The following CATSPERE variants were observed in gnomAD, a reference collection of about 807,000 sequenced individuals.
The protein encoded by CATSPERE is cation channel sperm-associated auxiliary subunit epsilon.
A neutral mutation model predicts 114.1 loss-of-function variants in CATSPERE; 93 were observed. The observed-to-expected ratio is 0.81, with a 90% CI of 0.69 to 0.97. The LOEUF is 0.97. Ranked by LOEUF, CATSPERE falls within the 50% of genes least tolerant of loss-of-function variation. The pLI, the probability that CATSPERE is intolerant of heterozygous loss-of-function variation, is 0.00. For missense variants in CATSPERE, 1,058 were observed against 1,131.6 expected, an observed-to-expected ratio of 0.93 and a Z score of 0.93; for synonymous variants, 341 against 384.1, an observed-to-expected ratio of 0.89 and a Z score of 1.31.
chr1:244,476,174 T>A (rs1450399109), intron 2 of CATSPERE, among the ~76,000 whole-genome samples: 6 of 152,122 alleles, frequency 3.9e-5, no homozygotes, highest in Non-Finnish European at 5.9e-5. Context: ...GTACAGTGGC[T>A]TATGCCTGTA....
intron 20 of CATSPERE, among the ~76,000 whole-genome samples, chr1:244,623,431 C>G (rs577686898): frequency 2.0e-5 from 3 of 152,282 alleles, no homozygotes; most frequent in African/African-American, 7.2e-5. Flanking sequence ...GTGGGGATAA[C>G]ATGAAAATAC....
upstream of CATSPERE, among the ~76,000 whole-genome samples, chr1:244,456,992 G>A (rs1666220747): frequency 1.3e-5 from 2 of 152,206 alleles, no homozygotes; most frequent in Non-Finnish European, 2.9e-5. Flanking sequence ...TAAAGGGAAT[G>A]TAATTTTGTC....
chr1:244,571,564 G>C (rs545206272), intron 10 of CATSPERE, among the ~76,000 whole-genome samples: 1 of 152,298 alleles, frequency 6.6e-6, no homozygotes, highest in African/African-American at 2.4e-5. Flanking sequence ...AACCTGCAGA[G>C]GTAGGCTATG....
chr1:244,634,983 T>C (rs1317890489), intron 20 of CATSPERE, among the ~76,000 whole-genome samples: 1 of 152,210 alleles, frequency 6.6e-6, no homozygotes, highest in Non-Finnish European at 1.5e-5. Context: ...TAGCTGTGAC[T>C]ACAGGTGCCC....
At chr1:244,546,686 GAAC>G (rs1659809119) in intron 8 of CATSPERE, among the ~76,000 whole-genome samples, 1 of 152,036 alleles carries the variant, frequency 6.6e-6, no homozygotes, top group Non-Finnish European at 1.5e-5. Flanking sequence ...AAAAATAAGT[GAAC>G]AAAGTGAAAA....
chr1:244,580,489 C>T (rs1666004908), intron 11 of CATSPERE, among the ~76,000 whole-genome samples: 1 of 151,918 alleles, frequency 6.6e-6, no homozygotes, highest in Non-Finnish European at 1.5e-5. Context: ...CATAGCTAAT[C>T]ATTTGTTTTT....
At chr1:244,479,087 T>A (rs1669847243) in intron 4 of CATSPERE, among the ~76,000 whole-genome samples, 1 of 151,524 alleles carries the variant, frequency 6.6e-6, no homozygotes, top group Non-Finnish European at 1.5e-5. Flanking sequence ...CCCTTTCCTT[T>A]TGTTTTTTGT....
At chr1:244,490,304 C>A (rs1337249607) in intron 5 of CATSPERE, 143 bp from the exon 6 acceptor site, 4 of 529,474 alleles carry the variant, frequency 7.6e-6, no homozygotes, top group Non-Finnish European at 1.3e-5. Flanking sequence ...TTTGTTTTTA[C>A]ATTTAGCCTT....
chr1:244,593,334 T>C, intron 15 of CATSPERE, 61 bp from the exon 16 acceptor site: 1 of 1,543,056 alleles, frequency 6.5e-7, no homozygotes, highest in South Asian at 1.1e-5. Flanking sequence ...AACAAAGTCA[T>C]GGGTTTAGTT....
intron 7 of CATSPERE, among the ~76,000 whole-genome samples, chr1:244,501,989 G>A (rs902217667): frequency 2.0e-5 from 3 of 152,102 alleles, no homozygotes; most frequent in Non-Finnish European, 2.9e-5. Context: ...CATCAACCGC[G>A]CAGCCATTTT....
At chr1:244,453,544 C>T (rs1006411378), upstream of CATSPERE, among the ~76,000 whole-genome samples, 4 of 152,170 alleles carry the variant, frequency 2.6e-5, no homozygotes, top group African/African-American at 7.2e-5. Flanking sequence ...GCTACCTACT[C>T]GTGGTTCAGT....
chr1:244,490,654 C>G (rs544143837), intron 6 of CATSPERE, among the ~76,000 whole-genome samples, 183 bp downstream of exon 6: 2 of 152,096 alleles, frequency 1.3e-5, no homozygotes, highest in African/African-American at 4.8e-5. Context: ...TTCTAACCAC[C>G]TATCTGCATA....
At chr1:244,586,548 A>G (rs1357727040) in intron 13 of CATSPERE, among the ~76,000 whole-genome samples, 1 of 152,200 alleles carries the variant, frequency 6.6e-6, no homozygotes, top group East Asian at 1.9e-4. Context: ...CAAGTGGTCC[A>G]GGAAATAAAA....
chr1:244,493,280 C>T (rs150155412), intron 6 of CATSPERE, among the ~76,000 whole-genome samples: 6,887 of 152,178 alleles, frequency 0.045, 322 homozygotes, highest in African/African-American at 0.12. Flanking sequence ...GAACAGAGCC[C>T]TCAGAAATAC....
chr1:244,552,172 T>C (rs898033732), intron 8 of CATSPERE, 150 bp from the exon 9 acceptor site: 3 of 859,158 alleles, frequency 3.5e-6, no homozygotes, highest in Admixed American at 3.7e-5. Flanking sequence ...AGAATGACAA[T>C]GTGGCAGTGG....
intron 20 of CATSPERE, 116 bp downstream of exon 20, chr1:244,617,802 C>A: frequency 1.1e-6 from 1 of 943,524 alleles, no homozygotes; most frequent in Non-Finnish European, 1.5e-6. Context: ...TACATATTTG[C>A]TTTTTCATTT....
chr1:244,486,653 G>T (rs1337094709), intron 5 of CATSPERE, among the ~76,000 whole-genome samples: 2 of 114,076 alleles, frequency 1.8e-5, no homozygotes, highest in South Asian at 6.3e-4. Context: ...CCTGGTGGGT[G>T]GTCCAGCATG....
At chr1:244,524,551 C>A (rs889519307) in intron 8 of CATSPERE, among the ~76,000 whole-genome samples, 132 of 118,904 alleles carry the variant, frequency 1.1e-3, no homozygotes, top group Non-Finnish European at 1.6e-3. Flanking sequence ...GCGAACAGGC[C>A]ACCTACAAAA....
intron 7 of CATSPERE, among the ~76,000 whole-genome samples, chr1:244,506,474 A>G (rs1210376309): frequency 6.6e-6 from 1 of 152,110 alleles, no homozygotes; most frequent in African/African-American, 2.4e-5. Flanking sequence ...CTGCCACACC[A>G]TTTTCCATAG....
Sources: gnomAD v4.1 joint callset for allele counts (sites outside exome capture counted in the v4.1 genomes callset) on GRCh38, gnomAD v4.1.1 for gene constraint, MANE v1.5 for transcripts, NCBI Gene and HGNC (gene_info 2026-07-23, HGNC 2026-07-21) for gene names.